Variants in MPP7 observed in about 807,000 individuals in gnomAD.
The protein encoded by MPP7 is MAGUK p55 scaffold protein 7.
In MPP7, 60 loss-of-function variants were observed where a neutral mutation model predicts 76.5. The ratio of observed to expected loss-of-function variants is 0.78; its 90% confidence interval spans 0.64 to 0.97. MPP7 has a LOEUF of 0.97. Among genes scored for constraint, MPP7 ranks in the 50% least tolerant of loss-of-function variants. The pLI is 0.00. For synonymous variants in MPP7, 237 were observed against 244.5 expected (o/e 0.97, Z 0.29); for missense variants, 641 against 694.0 (o/e 0.92, Z 0.86).
intron 3 of MPP7, among the ~76,000 whole-genome samples, chr10:28,187,233 T>A (rs1837267285): frequency 6.6e-6 from 1 of 152,174 alleles, no homozygotes; most frequent in Non-Finnish European, 1.5e-5. Flanking sequence ...TTCTCATCCT[T>A]ACTCTCAAGG....
At chr10:28,149,877 C>A (rs1835822293) in intron 4 of MPP7, 105 bp downstream of exon 4, 14 of 688,174 alleles carry the variant, frequency 2.0e-5, no homozygotes, top group Admixed American at 3.0e-5. Flanking sequence ...ACCTCTTCTG[C>A]TTTTCACTCA....
intron 6 of MPP7, among the ~76,000 whole-genome samples, chr10:28,125,672 A>T (rs904473263): frequency 2.0e-5 from 3 of 152,192 alleles, no homozygotes; most frequent in African/African-American, 7.2e-5. Context: ...AAACCCAGAA[A>T]TTAGTTATAT....
rs532099476 is a variant in MPP7 at position 28,262,512 on chromosome 10, T to C, written c.-131-23777A>G. Among the ~76,000 whole-genome samples, 3 of 151,978 alleles carry C rather than the reference T, an allele frequency of 2.0e-5. No homozygotes were observed. The East Asian group carries it at 5.8e-4, about 30-fold the overall frequency. Reference sequence around the variant, plus strand: ...TCCTTTTAAAAAGTTGTCACAAATATTTTAGGTTACTACACAGGTGTCATA... The same window carrying C: ...TCCTTTTAAAAAGTTGTCACAAATACTTTAGGTTACTACACAGGTGTCATA... On this transcript the variant is annotated intron_variant, in intron 1 of 16. Coordinates refer to ENST00000683449, the MANE Select transcript of MPP7 (RefSeq NM_001318170.2).
At chr10:28,118,220 C>T in intron 11 of MPP7, 2 of 985,162 alleles carry the variant, frequency 2.0e-6, no homozygotes, top group Non-Finnish European at 2.4e-6. Flanking sequence ...CCTTCCTATG[C>T]ATCTATATAG....
chr10:28,281,052 C>T (rs1564754769), intron 1 of MPP7, among the ~76,000 whole-genome samples: 1 of 151,632 alleles, frequency 6.6e-6, no homozygotes, highest in African/African-American at 2.4e-5. Context: ...AGAGTAGATC[C>T]AAAGAATAAA....
intron 5 of MPP7, among the ~76,000 whole-genome samples, chr10:28,143,319 T>C (rs1835587825): frequency 6.6e-6 from 1 of 152,150 alleles, no homozygotes. Flanking sequence ...GCAATGACGA[T>C]AGGGGCTTCT....
chr10:28,290,102 T>C (rs1589032475), intron 1 of MPP7, among the ~76,000 whole-genome samples: 2 of 152,260 alleles, frequency 1.3e-5, no homozygotes, highest in African/African-American at 4.8e-5. Context: ...TACAGGCGTG[T>C]GCCACTGAGC....
chr10:28,256,426 T>C (rs1203572581), intron 1 of MPP7, among the ~76,000 whole-genome samples: 1 of 151,772 alleles, frequency 6.6e-6, no homozygotes, highest in Non-Finnish European at 1.5e-5. Flanking sequence ...AAGATTCTAC[T>C]TCTAAGAATT....
chr10:28,121,809 A>G lies in MPP7; in HGVS notation c.616-1141T>C, dbSNP rs1588804566. On this transcript the variant is annotated intron_variant, in intron 8 of 16. Coordinates refer to ENST00000683449, the MANE Select transcript of MPP7 (RefSeq NM_001318170.2). ...GCACTGGTAAACCAGGACTCCATTT[A>G]TTTAAAAAAAAAAAAAGGCTCTGAT... Among the ~76,000 whole-genome samples, 4 of 144,430 alleles carry G rather than the reference A, an allele frequency of 2.8e-5. No individual in the cohort carries two copies. In the East Asian group the frequency reaches 1.2e-3, roughly 42 times the overall value. 94.8% of individuals were successfully genotyped at this position (144,430 alleles called of 152,430 possible). A position where few individuals can be genotyped will look rare whatever the true frequency, so the allele number is the denominator to read the frequency against.
At chr10:28,242,228 T>C (rs1286702666) in intron 1 of MPP7, among the ~76,000 whole-genome samples, 2 of 152,240 alleles carry the variant, frequency 1.3e-5, no homozygotes, top group Non-Finnish European at 2.9e-5. Context: ...TAGCAATCTA[T>C]CATTTCAGAA....
At chr10:28,056,011 A>C (rs1851539063) in intron 16 of MPP7, among the ~76,000 whole-genome samples, 1 of 152,192 alleles carries the variant, frequency 6.6e-6, no homozygotes, top group Non-Finnish European at 1.5e-5. Flanking sequence ...ATGCAGCTGT[A>C]TATATGTTTT....
At chr10:28,251,860 C>G (rs1057321101) in intron 1 of MPP7, among the ~76,000 whole-genome samples, 7 of 152,098 alleles carry the variant, frequency 4.6e-5, no homozygotes, top group African/African-American at 1.7e-4. Flanking sequence ...AATTCAAGAC[C>G]AGCCTGAGCA....
chr10:28,112,340 A>C (rs1426792087), intron 11 of MPP7, among the ~76,000 whole-genome samples: 1 of 152,188 alleles, frequency 6.6e-6, no homozygotes. Flanking sequence ...GGATAGATTA[A>C]ATACTACACC....
chr10:28,209,501 T>C (rs1291233020), intron 2 of MPP7, among the ~76,000 whole-genome samples: 1 of 152,050 alleles, frequency 6.6e-6, no homozygotes, highest in Non-Finnish European at 1.5e-5. Context: ...TGTGTGTCTC[T>C]TTCTGGGGGA....
chr10:28,060,050 CTTT>C (rs60401724), intron 13 of MPP7, among the ~76,000 whole-genome samples: 4 of 137,760 alleles, frequency 2.9e-5, no homozygotes, highest in Admixed American at 1.4e-4. Context: ...GGAAAAAAAC[CTTT>C]TTTTTTTTTT....
At position 28,120,296 on chromosome 10, in the gene MPP7, A is replaced by G. The variant is rs745679188; in HGVS notation, c.785T>C (p.Leu262Pro). The G allele has an allele frequency of 1.2e-6, 2 of 1,614,076 alleles. No individual in the cohort carries two copies. Among genetic ancestry groups the G allele is most frequent in the Non-Finnish European group, 8.5e-7 (1 of 1,179,974 alleles). Residue 262 changes from leucine (L) to proline (P), a missense_variant, in exon 10 of 17, where the codon CTT becomes CCT. Physicochemically the swap from Leu to Pro is moderately conservative, Grantham distance 98. Coordinates refer to ENST00000683449, the MANE Select transcript of MPP7 (RefSeq NM_001318170.2). ...TGCATCATCTTGGCTCATAATCTGA[A>G]GAATATCTCCCTTTTTGAAAGAAAG... is the stretch of plus-strand genomic sequence containing the variant. ...AGLSFKKGDI[L>P]QIMSQDDATW...
intron 2 of MPP7, among the ~76,000 whole-genome samples, chr10:28,232,513 G>A (rs1448753155): frequency 6.6e-6 from 1 of 152,070 alleles, no homozygotes. Context: ...CTTTATGGAG[G>A]TGTGCTAGGG....
At chr10:28,054,975 G>A (rs1017181778) in intron 16 of MPP7, among the ~76,000 whole-genome samples, 9 of 152,274 alleles carry the variant, frequency 5.9e-5, no homozygotes, top group South Asian at 4.1e-4. Context: ...CACCACGCCC[G>A]GCTGATTACC....
At chr10:28,136,075 C>T (rs931634799) in intron 5 of MPP7, among the ~76,000 whole-genome samples, 51 of 151,816 alleles carry the variant, frequency 3.4e-4, no homozygotes, top group African/African-American at 1.1e-3. Context: ...ACTGAGTATG[C>T]GAGGATCTAG....
Sources: gnomAD v4.1 joint callset for allele counts (sites outside exome capture counted in the v4.1 genomes callset) on GRCh38, gnomAD v4.1.1 for gene constraint, MANE v1.5 for transcripts, NCBI Gene and HGNC (gene_info 2026-07-23, HGNC 2026-07-21) for gene names.